SHROOM2: variants seen among roughly 807,000 people sequenced by gnomAD.
SHROOM2 encodes the protein shroom family member 2, also known as protein Shroom2.
SHROOM2 carries 33 observed loss-of-function variants against 75.9 expected under a neutral mutation model. That is an observed-to-expected ratio of 0.43 (90% CI 0.33 to 0.58). The LOEUF is 0.58. Among genes scored for constraint, SHROOM2 ranks in the 20% least tolerant of loss-of-function variants. SHROOM2 has a pLI of 0.04. For synonymous variants in SHROOM2, 655 were observed against 663.6 expected (o/e 0.99, Z 0.20); for missense variants, 1,434 against 1,461.2 (o/e 0.98, Z 0.30).
At chrX:9,855,892 G>A (rs1601947486) in intron 1 of SHROOM2, among the ~76,000 whole-genome samples, 1 of 111,578 alleles carries the variant, frequency 9.0e-6, no homozygotes, top group Non-Finnish European at 1.9e-5. Flanking sequence ...CCTGGCAGAA[G>A]GTTGCATACC....
chrX:9,873,623 G>A (rs750045862), intron 1 of SHROOM2, 29 bp from the exon 2 acceptor site: 40 of 1,205,333 alleles, frequency 3.3e-5, no homozygotes, highest in Non-Finnish European at 4.5e-5. Context: ...GCTCGTGGAA[G>A]GCTCATGGAA....
intron 2 of SHROOM2, among the ~76,000 whole-genome samples, chrX:9,875,128 ATTT>A (rs1473651124): frequency 1.0e-5 from 1 of 97,263 alleles, no homozygotes; most frequent in Non-Finnish European, 2.1e-5. Flanking sequence ...AAGGAAAAAC[ATTT>A]TTTGCCTCAT....
intron 9 of SHROOM2, among the ~76,000 whole-genome samples, chrX:9,946,398 GGA>G (rs1336449597): frequency 2.7e-5 from 3 of 112,765 alleles, no homozygotes; most frequent in Non-Finnish European, 5.6e-5. Context: ...GAGGCAGGTG[GGA>G]GAGAGTCAGG....
intron 6 of SHROOM2, among the ~76,000 whole-genome samples, chrX:9,934,892 C>G (rs1266787481): frequency 7.2e-5 from 8 of 110,978 alleles, no homozygotes; most frequent in Non-Finnish European, 7.5e-5. Flanking sequence ...GCTGCCTCAG[C>G]CTCCCGAGTA....
intron 6 of SHROOM2, among the ~76,000 whole-genome samples, chrX:9,933,321 AT>A (rs997687325): frequency 9.2e-6 from 1 of 108,575 alleles, no homozygotes; most frequent in Non-Finnish European, 1.9e-5. Context: ...TTTTTTCCAG[AT>A]TTTTTTTTAA....
intron 1 of SHROOM2, among the ~76,000 whole-genome samples, chrX:9,846,898 A>C (rs2084009611): frequency 8.9e-6 from 1 of 111,985 alleles, no homozygotes; most frequent in South Asian, 3.7e-4. Context: ...TTCATGGAGC[A>C]CGGGGACGCA....
In SHROOM2 at chrX:9,863,472, C is replaced by T. The variant is rs926205109; in HGVS notation, c.166-10180C>T. The stretch of plus-strand genomic sequence containing the variant: ...CGCGCCTCTCCTTGCCATGGTGCCT[C>T]GTGTGGTGCAGCCCTCATTTTAGGG... On this transcript the variant is annotated intron_variant, in intron 1 of 9. Coordinates refer to ENST00000380913, the MANE Select transcript of SHROOM2 (RefSeq NM_001649.4). 6.3e-5 allele frequency among the ~76,000 whole-genome samples: 7 copies of T among 111,110 alleles called. No homozygotes were observed. The South Asian group carries it at 1.1e-3, about 18-fold the overall frequency.
chrX:9,836,267 T>G (rs1312010228), intron 1 of SHROOM2, among the ~76,000 whole-genome samples: 2 of 111,960 alleles, frequency 1.8e-5, no homozygotes, highest in African/African-American at 6.5e-5. Flanking sequence ...CAGCCTCAGT[T>G]TTCTCTCTAA....
intron 5 of SHROOM2, among the ~76,000 whole-genome samples, chrX:9,923,516 T>C (rs1365321887): frequency 8.9e-6 from 1 of 112,321 alleles, no homozygotes; most frequent in Non-Finnish European, 1.9e-5. Flanking sequence ...TGGCTCAACA[T>C]CCACATTGCC....
intron 5 of SHROOM2, among the ~76,000 whole-genome samples, chrX:9,929,555 CA>C (rs753862909): frequency 2.7e-5 from 3 of 111,799 alleles, no homozygotes; most frequent in South Asian, 3.8e-4. Context: ...TGTCATTGTT[CA>C]CTTCTCACAG....
At chrX:9,913,999 ATAGTGGC>A (rs1305137025) in intron 5 of SHROOM2, among the ~76,000 whole-genome samples, 1 of 110,508 alleles carries the variant, frequency 9.0e-6, no homozygotes. Context: ...TTTGTCACAC[ATAGTGGC>A]AAAAACATTT....
Position 9,866,973 on chromosome X carries a change from G to A in SHROOM2, c.166-6679G>A, listed in dbSNP as rs149945577. On this transcript the variant is annotated intron_variant, in intron 1 of 9. Transcript: ENST00000380913. The stretch of plus-strand genomic sequence containing the variant: ...TTTGGAGGCCTTCTTATCTCCACCC[G>A]AGACAGAGGGTCACATCCCCCTCAT... 5.4e-4 allele frequency among the ~76,000 whole-genome samples: 59 copies of A among 109,935 alleles called. 1 individual carries two copies. In the East Asian group the frequency reaches 0.015, roughly 28 times the overall value.
rs146268665 is a variant in SHROOM2, at chrX:9,946,459, G to A, written c.4585-212G>A. Among the ~76,000 whole-genome samples, 1,099 of 112,704 alleles carry A rather than the reference G, an allele frequency of 9.8e-3. 4 individuals carry two copies. The highest frequency in any genetic ancestry group is 0.015 in the Non-Finnish European group (777 of 53,222). Reference sequence around the variant, plus strand: ...GAGAGGCCTGTGGGCGGCTTCTGGGGGCCTCAGGCTGGCCCGCTGCAACCA... The same window carrying A: ...GAGAGGCCTGTGGGCGGCTTCTGGGAGCCTCAGGCTGGCCCGCTGCAACCA... On this transcript the variant is annotated intron_variant, in intron 9 of 9. Coordinates refer to ENST00000380913, the MANE Select transcript of SHROOM2 (RefSeq NM_001649.4).
At chrX:9,889,394 G>T (rs1601968437) in intron 2 of SHROOM2, among the ~76,000 whole-genome samples, 1 of 112,362 alleles carries the variant, frequency 8.9e-6, no homozygotes, top group South Asian at 3.7e-4. Context: ...ATTTAAAGAG[G>T]CCCGCTTGAG....
chrX:9,886,261 C>T (rs1196378940), intron 2 of SHROOM2, among the ~76,000 whole-genome samples: 1 of 112,467 alleles, frequency 8.9e-6, no homozygotes, highest in Non-Finnish European at 1.9e-5. Context: ...CCATGGGGAG[C>T]CCTCTTCCAT....
In SHROOM2 at chrX:9,896,034, T is replaced by G; in HGVS notation, c.2126T>G (p.Leu709Arg). The G allele has an allele frequency of 8.3e-7, 1 of 1,210,497 alleles. No individual in the cohort carries two copies. Among genetic ancestry groups the G allele is most frequent in the Non-Finnish European group, 1.1e-6 (1 of 895,262 alleles). The stretch of plus-strand genomic sequence containing the variant: ...GACTTGGACCCCAACCCAGGAGACC[T>G]ATACCCGGAGTCACTGGAACACCGG... Reference protein sequence around the residue: ...RRDLDPNPGDLYPESLEHRMG... With the variant: ...RRDLDPNPGDRYPESLEHRMG... Residue 709 changes from leucine to arginine, a missense_variant, in exon 4 of 10, where the codon CTA (leucine) becomes CGA (arginine). Physicochemically the swap from Leu to Arg is moderately radical, Grantham distance 102 (BLOSUM62 -2). Around this residue, in one of 3 missense-constraint regions of SHROOM2, gnomAD observed 1,340 missense variants for 1,338.3 expected, o/e 1.00. Transcript: ENST00000380913.
intron 1 of SHROOM2, among the ~76,000 whole-genome samples, chrX:9,846,593 C>T (rs1188896363): frequency 8.9e-6 from 1 of 112,377 alleles, no homozygotes; most frequent in East Asian, 2.8e-4. Flanking sequence ...TCACACCCGG[C>T]CAATTATTTT....
chrX:9,864,747 C>G (rs1195292457), intron 1 of SHROOM2, among the ~76,000 whole-genome samples: 4 of 107,951 alleles, frequency 3.7e-5, no homozygotes, highest in African/African-American at 1.3e-4. Flanking sequence ...ATGGCGTGAA[C>G]CCGGGAGGCG....
Position 9,939,297 on chromosome X carries a change from C to A in SHROOM2, c.4242C>A (p.Asp1414Glu). 8.3e-7 allele frequency: 1 copy of A among 1,210,248 alleles called. No homozygotes were observed. The highest frequency in any genetic ancestry group is 1.1e-6 in the Non-Finnish European group (1 of 894,557). Residue 1414 changes from aspartate to glutamate, a missense_variant, in exon 8 of 10, where the codon GAC (aspartate) becomes GAA (glutamate). Around this residue, in one of 3 missense-constraint regions of SHROOM2, gnomAD observed 1,340 missense variants for 1,338.3 expected, o/e 1.00. Coordinates refer to ENST00000380913, the MANE Select transcript of SHROOM2 (RefSeq NM_001649.4). ...CGGAGCTGCTGATCAAGATGAAGGACCTGCAGGAGCAGCAGGAGCACGAAG... is the reference window on the plus strand; with the variant it reads ...CGGAGCTGCTGATCAAGATGAAGGAACTGCAGGAGCAGCAGGAGCACGAAG... ...PKAELLIKMKDLQEQQEHEED... is the reference protein window; with the variant it reads ...PKAELLIKMKELQEQQEHEED...
Sources: allele counts gnomAD v4.1 joint callset (sites outside exome capture counted in the v4.1 genomes callset), GRCh38; gene constraint gnomAD v4.1.1; regional missense constraint gnomAD v4.1.1; transcripts MANE v1.5; gene names NCBI Gene and HGNC (gene_info 2026-07-23, HGNC 2026-07-21).